WDPCP: variants seen among roughly 807,000 people sequenced by gnomAD.
WDPCP encodes WD repeat containing planar cell polarity effector, also known as WD repeat-containing and planar cell polarity effector protein fritz homolog.
WDPCP carries 71 observed loss-of-function variants against 93.1 expected under a neutral mutation model. The observed-to-expected ratio is 0.76, with a 90% confidence interval of 0.63 to 0.93. The LOEUF is 0.93. Among genes scored for constraint, WDPCP ranks in the 40% least tolerant of loss-of-function variants. WDPCP has a pLI of 0.00. For synonymous variants in WDPCP, 315 were observed against 315.0 expected (o/e 1.00, Z 0.00); for missense variants, 844 against 887.4 (o/e 0.95, Z 0.62).
chr2:63,725,372 AGTTTC>A (rs1339809235), intron 2 of WDPCP, among the ~76,000 whole-genome samples: 3 of 152,118 alleles, frequency 2.0e-5, no homozygotes, highest in Non-Finnish European at 4.4e-5. Context: ...CAAAGGACAT[AGTTTC>A]ATTCTTTTTT....
chr2:63,670,329 C>A (rs1416469688), intron 2 of WDPCP, among the ~76,000 whole-genome samples: 4 of 152,128 alleles, frequency 2.6e-5, no homozygotes, highest in African/African-American at 9.7e-5. Context: ...GGCTACAGAG[C>A]CCCTTTTCCT....
At chr2:63,476,820 C>T (rs577368736) in intron 6 of WDPCP, among the ~76,000 whole-genome samples, 1 of 152,178 alleles carries the variant, frequency 6.6e-6, no homozygotes, top group South Asian at 2.1e-4. Context: ...TCAAGTTCTA[C>T]AATTAAGGGA....
chr2:63,633,404 T>C (rs1286224163), intron 3 of WDPCP, among the ~76,000 whole-genome samples: 1 of 152,186 alleles, frequency 6.6e-6, no homozygotes, highest in East Asian at 1.9e-4. Context: ...AATTTGTTCA[T>C]TGATACATAA....
chr2:63,255,911 A>G (rs1170127808), intron 14 of WDPCP, among the ~76,000 whole-genome samples: 3 of 152,198 alleles, frequency 2.0e-5, no homozygotes, highest in African/African-American at 7.2e-5. Context: ...AAAACAGAAA[A>G]TGAAATTTAA....
rs1448128005 is a variant in WDPCP, at chr2:63,120,793, C to G, written c.*1213G>C. ...TCGTGATTCGCCCGCCTTGGCCTCC[C>G]AAAGTGCTGGGATTACAGGCGTGAG... is the stretch of plus-strand genomic sequence containing the variant. On this transcript the variant is annotated 3_prime_UTR_variant, in exon 18 of 18. Transcript: ENST00000272321. 1.3e-5 allele frequency among the ~76,000 whole-genome samples: 2 copies of G among 151,942 alleles called. No homozygotes were observed. The highest frequency in any genetic ancestry group is 2.9e-5 in the Non-Finnish European group (2 of 67,982).
rs1168767079 is a variant in WDPCP at position 63,404,331 on chromosome 2, G to T, written c.1152C>A (p.Ser384Arg). 6.2e-7 allele frequency: 1 copy of T among 1,614,154 alleles called. No homozygotes were observed. ...AQTELLPSLI[S>R]CHPSGAILLV... is the part of the protein sequence containing the mutation. ...GCAGAATGGCACCACTTGGGTGGCA[G>T]CTTATTAATGAAGGCAAAAGTTCAG... Residue 384 changes from serine (S) to arginine (R), a missense_variant, in exon 10 of 18, where the codon AGC becomes AGA. Coordinates refer to ENST00000272321, the MANE Select transcript of WDPCP (RefSeq NM_015910.7).
chr2:63,501,622 C>G (rs1701557533), intron 1 of WDPCP, among the ~76,000 whole-genome samples: 1 of 152,194 alleles, frequency 6.6e-6, no homozygotes, highest in African/African-American at 2.4e-5. Flanking sequence ...TTGTTTGTTT[C>G]TTTCTTTTTT....
chr2:63,289,636 A>G (rs2105000535), intron 13 of WDPCP, among the ~76,000 whole-genome samples: 1 of 152,166 alleles, frequency 6.6e-6, no homozygotes, highest in African/African-American at 2.4e-5. Flanking sequence ...AAGAATGTGT[A>G]TTCTGCAGTT....
At chr2:63,452,761 C>A (rs1698346176) in intron 6 of WDPCP, among the ~76,000 whole-genome samples, 1 of 152,130 alleles carries the variant, frequency 6.6e-6, no homozygotes, top group African/African-American at 2.4e-5. Flanking sequence ...ACCATTGGAA[C>A]AGAACAGAGC....
intron 3 of WDPCP, among the ~76,000 whole-genome samples, chr2:63,632,977 G>A (rs145623564): frequency 2.6e-5 from 4 of 152,070 alleles, no homozygotes; most frequent in East Asian, 1.9e-4. Flanking sequence ...AAAGTAGCAC[G>A]ACAAAATAAA....
chr2:63,528,637 G>T (rs926746828), intron 1 of WDPCP, among the ~76,000 whole-genome samples: 2 of 152,192 alleles, frequency 1.3e-5, no homozygotes, highest in Non-Finnish European at 2.9e-5. Flanking sequence ...ATAGTTTGAA[G>T]TCAGGTAGCA....
intron 12 of WDPCP, among the ~76,000 whole-genome samples, chr2:63,369,964 C>G (rs1474093512): frequency 1.3e-5 from 2 of 152,142 alleles, no homozygotes; most frequent in African/African-American, 4.8e-5. Flanking sequence ...AGATGAAAAA[C>G]AGCATGGATG....
In WDPCP at chr2:63,336,706, T is replaced by A. The variant is rs920470170; in HGVS notation, c.1749-23395A>T. Reference sequence around the variant, plus strand: ...ATCTACCCATTAGGTTGATTTCAGATCTCTCCTCTTTTTTTAATTTAATTT... The same window carrying A: ...ATCTACCCATTAGGTTGATTTCAGAACTCTCCTCTTTTTTTAATTTAATTT... On this transcript the variant is annotated intron_variant, in intron 12 of 17. Transcript: ENST00000272321. Among the ~76,000 whole-genome samples the A allele has an allele frequency of 8.5e-5, 13 of 152,124 alleles. No individual in the cohort carries two copies. The South Asian group carries it at 2.7e-3, about 32-fold the overall frequency.
intron 2 of WDPCP, among the ~76,000 whole-genome samples, chr2:63,794,453 G>A (rs954725935): frequency 2.6e-5 from 4 of 152,170 alleles, no homozygotes; most frequent in African/African-American, 7.2e-5. Flanking sequence ...CTAGGCCAAT[G>A]AGCCATGTCA....
At chr2:63,721,231 C>T (rs899422127) in intron 2 of WDPCP, among the ~76,000 whole-genome samples, 2 of 152,238 alleles carry the variant, frequency 1.3e-5, no homozygotes, top group Non-Finnish European at 2.9e-5. Flanking sequence ...TACAAAATGA[C>T]AGTGAGCGTT....
At chr2:63,413,733 G>A (rs945458441) in intron 9 of WDPCP, among the ~76,000 whole-genome samples, 7 of 152,150 alleles carry the variant, frequency 4.6e-5, no homozygotes, top group Non-Finnish European at 8.8e-5. Flanking sequence ...GGGAGGTGGA[G>A]GTTGCAGTGA....
intron 17 of WDPCP, among the ~76,000 whole-genome samples, chr2:63,122,791 C>T (rs1669634614): frequency 6.6e-6 from 1 of 151,996 alleles, no homozygotes. Flanking sequence ...GTAGGGATAA[C>T]AGCACTTACA....
Position 63,404,487 on chromosome 2 carries a change from G to A in WDPCP, c.996C>T (p.Thr332=), listed in dbSNP as rs1176097461. The change falls in exon 10 of 18, where the codon ACC becomes ACT. Residue 332 remains threonine, a synonymous_variant. Coordinates refer to ENST00000272321, the MANE Select transcript of WDPCP (RefSeq NM_015910.7). The part of the protein sequence containing the change: ...IRNKIQCVSV[T]RIPLKSKAIS... ...TGGCCTTTGACTTTAGTGGTATTCT[G>A]GTGACTGACACACACTGGATTTTAT... 6.2e-7 allele frequency: 1 copy of A among 1,614,060 alleles called. No individual in the cohort carries two copies. Among genetic ancestry groups the A allele is most frequent in the African/African-American group, 1.3e-5 (1 of 75,032 alleles).
At chr2:63,608,273 A>C (rs186018452) in intron 3 of WDPCP, among the ~76,000 whole-genome samples, 93 of 152,316 alleles carry the variant, frequency 6.1e-4, no homozygotes, top group South Asian at 3.7e-3. Flanking sequence ...ACCACTAAAT[A>C]CCACAGAAGT....
Sources: gnomAD v4.1 joint callset for allele counts (sites outside exome capture counted in the v4.1 genomes callset) on GRCh38, gnomAD v4.1.1 for gene constraint, MANE v1.5 for transcripts, NCBI Gene and HGNC (gene_info 2026-07-23, HGNC 2026-07-21) for gene names.